Variants in LARGE1 observed in about 807,000 individuals in gnomAD.
The protein encoded by LARGE1 is LARGE xylosyl- and glucuronyltransferase 1.
Under a neutral mutation model 87.6 loss-of-function variants are expected in LARGE1, and 43 were observed. The ratio of observed to expected loss-of-function variants is 0.49; its 90% confidence interval spans 0.38 to 0.63. The LOEUF (loss-of-function observed/expected upper bound fraction) is 0.63. Ranked by LOEUF, LARGE1 falls within the 30% of genes least tolerant of loss-of-function variation. The pLI, the probability that LARGE1 is intolerant of heterozygous loss-of-function variation, is 0.00. For synonymous variants in LARGE1, 434 were observed against 394.6 expected, an observed-to-expected ratio of 1.10 and a Z score of -1.18; for missense variants, 802 against 1,000.2, an observed-to-expected ratio of 0.80 and a Z score of 2.67.
At chr22:33,287,450 T>C (rs1451786865) in intron 12 of LARGE1, among the ~76,000 whole-genome samples, 2 of 152,248 alleles carry the variant, frequency 1.3e-5, no homozygotes, top group East Asian at 1.9e-4. Flanking sequence ...TGTCACCAGA[T>C]AGATCTATTT....
intron 6 of LARGE1, among the ~76,000 whole-genome samples, chr22:33,449,661 C>T (rs574072863): frequency 3.3e-5 from 5 of 152,342 alleles, no homozygotes; most frequent in East Asian, 1.9e-4. Flanking sequence ...GAATCATTCT[C>T]ATCAACTTTG....
At chr22:33,469,591 G>A (rs559328706) in intron 6 of LARGE1, among the ~76,000 whole-genome samples, 1 of 152,202 alleles carries the variant, frequency 6.6e-6, no homozygotes, top group Non-Finnish European at 1.5e-5. Flanking sequence ...TCAGGAGGCC[G>A]AGGTGGGTGG....
intron 1 of LARGE1, among the ~76,000 whole-genome samples, chr22:33,766,354 C>G (rs573915921): frequency 2.6e-5 from 4 of 152,282 alleles, no homozygotes; most frequent in African/African-American, 9.6e-5. Context: ...CATCTGTCGT[C>G]TCCCATCTGT....
chr22:33,190,933 C>G (rs1923743632), intron 11 of LARGE1, among the ~76,000 whole-genome samples: 1 of 152,200 alleles, frequency 6.6e-6, no homozygotes, highest in Non-Finnish European at 1.5e-5. Context: ...GTAAAACTCT[C>G]TCCTCTGCAC....
intron 10 of LARGE1, 146 bp from the exon 11 acceptor site, chr22:33,316,394 C>T: frequency 1.5e-6 from 1 of 689,204 alleles, no homozygotes; most frequent in Non-Finnish European, 2.5e-6. Flanking sequence ...GGGATCACCA[C>T]TTTTATTTCC....
chr22:33,765,100 T>C (rs756691546), intron 1 of LARGE1, among the ~76,000 whole-genome samples: 2 of 152,214 alleles, frequency 1.3e-5, no homozygotes, highest in Admixed American at 1.3e-4. Context: ...TAGCTGCTTA[T>C]GTAATTCTCA....
intron 1 of LARGE1, among the ~76,000 whole-genome samples, chr22:33,903,047 G>A (rs1306738431): frequency 2.6e-5 from 4 of 152,230 alleles, no homozygotes; most frequent in Admixed American, 6.5e-5. Context: ...GAGGAGACAC[G>A]CTTGAACCCG....
intron 1 of LARGE1, among the ~76,000 whole-genome samples, chr22:33,913,643 G>C (rs2065700960): frequency 6.6e-6 from 1 of 151,908 alleles, no homozygotes; most frequent in Non-Finnish European, 1.5e-5. Context: ...TCACAGGTTC[G>C]AGCCATTCTC....
chr22:33,302,531 G>C (rs1934294648), intron 12 of LARGE1, among the ~76,000 whole-genome samples: 1 of 152,150 alleles, frequency 6.6e-6, no homozygotes, highest in African/African-American at 2.4e-5. Context: ...AGACAGCGCA[G>C]GGCACGGAGG....
intron 6 of LARGE1, among the ~76,000 whole-genome samples, chr22:33,473,619 A>G (rs940029431): frequency 2.6e-5 from 4 of 151,956 alleles, no homozygotes; most frequent in Non-Finnish European, 5.9e-5. Flanking sequence ...AATTTTTTGT[A>G]TTTTTAGTAG....
intron 7 of LARGE1, among the ~76,000 whole-genome samples, chr22:33,391,755 T>G (rs1282107685): frequency 7.1e-6 from 1 of 140,852 alleles, no homozygotes; most frequent in Non-Finnish European, 1.5e-5. Flanking sequence ...CACAGGTTAT[T>G]TCCTTTTTCC....
chr22:33,920,507 G>A (rs1292294327), upstream of LARGE1: 3 of 144,732 alleles, frequency 2.1e-5, no homozygotes, highest in Non-Finnish European at 4.6e-5. Flanking sequence ...GCGGCGGCGC[G>A]GGGGGGGCTG....
intron 2 of LARGE1, among the ~76,000 whole-genome samples, chr22:33,654,962 A>G (rs2080920164): frequency 6.6e-6 from 1 of 152,212 alleles, no homozygotes. Context: ...AAACTGGTCT[A>G]CACTACGTTA....
intron 1 of LARGE1, among the ~76,000 whole-genome samples, chr22:33,888,140 C>CA (rs2064907722): frequency 6.6e-6 from 1 of 152,072 alleles, no homozygotes; most frequent in Non-Finnish European, 1.5e-5. Flanking sequence ...GAAGAGGGAC[C>CA]ACTTTGTACC....
At chr22:33,805,011 C>A (rs2086265704) in intron 1 of LARGE1, among the ~76,000 whole-genome samples, 1 of 152,178 alleles carries the variant, frequency 6.6e-6, no homozygotes, top group South Asian at 2.1e-4. Context: ...TGAAACTGAA[C>A]TCCTAATGTT....
chr22:33,495,545 C>A (rs2070070645), intron 6 of LARGE1, among the ~76,000 whole-genome samples: 1 of 152,036 alleles, frequency 6.6e-6, no homozygotes. Context: ...ATGGTGAAAT[C>A]CTGTCTCTAC....
chr22:33,569,739 G>A (rs1265960101), intron 5 of LARGE1, among the ~76,000 whole-genome samples: 1 of 152,074 alleles, frequency 6.6e-6, no homozygotes, highest in Non-Finnish European at 1.5e-5. Flanking sequence ...GGCTGGATTA[G>A]GGGCTCCCAA....
At chr22:33,081,836 G>C in the LARGE1 span, among the ~76,000 whole-genome samples, 1 of 152,120 alleles carries the variant, frequency 6.6e-6, no homozygotes, top group Non-Finnish European at 1.5e-5. Context: ...TCTCTGTGCT[G>C]GGAATTCTGC....
chr22:33,641,815 GA>G (rs1432218126), intron 3 of LARGE1, among the ~76,000 whole-genome samples: 7 of 152,132 alleles, frequency 4.6e-5, no homozygotes, highest in African/African-American at 1.7e-4. Flanking sequence ...AATAAAGTGT[GA>G]AGACAAGATT....
Sources: allele counts gnomAD v4.1 joint callset (sites outside exome capture counted in the v4.1 genomes callset), GRCh38; gene constraint gnomAD v4.1.1; transcripts MANE v1.5; gene names NCBI Gene and HGNC (gene_info 2026-07-23, HGNC 2026-07-21).